The following LCMT1 variants were observed in gnomAD, a reference collection of about 807,000 sequenced individuals.
LCMT1 encodes [Phosphatase 2A protein]-leucine-carboxy methyltransferase 1.
LCMT1 carries 32 observed loss-of-function variants against 47.7 expected under a neutral mutation model. The observed-to-expected ratio is 0.67, with a 90% CI of 0.51 to 0.90. The LOEUF is 0.90. Ranked by LOEUF, LCMT1 falls within the 40% of genes least tolerant of loss-of-function variation. The pLI is 0.00. For missense variants in LCMT1, 375 were observed against 415.2 expected (o/e 0.90, Z 0.84); for synonymous variants, 152 against 149.7 (o/e 1.02, Z -0.11).
chr16:25,122,401 G>A (rs1004220557), intron 1 of LCMT1, among the ~76,000 whole-genome samples: 5 of 152,104 alleles, frequency 3.3e-5, no homozygotes, highest in African/African-American at 1.2e-4. Flanking sequence ...GACCTCCCTG[G>A]TGGCTCAAGC....
At chr16:25,132,358 A>G (rs1960372668) in intron 2 of LCMT1, 44 bp from the exon 3 acceptor site, 2 of 1,608,814 alleles carry the variant, frequency 1.2e-6, no homozygotes, top group African/African-American at 2.7e-5. Flanking sequence ...AATTTCTGTC[A>G]TCACTGGGTG....
At chr16:25,125,852 A>AATAATAATG in intron 1 of LCMT1, 1 of 193,952 alleles carries the variant, frequency 5.2e-6, no homozygotes, top group Non-Finnish European at 9.3e-6. Context: ...TAATAATAAT[A>AATAATAATG]ATAATAATAA....
Position 25,120,452 on chromosome 16 carries a change from T to C in LCMT1, c.114-8023T>C, listed in dbSNP as rs535437928. Among the ~76,000 whole-genome samples the C allele has an allele frequency of 2.7e-5, 4 of 150,050 alleles. No homozygotes were observed. In the East Asian group the frequency reaches 7.9e-4, roughly 30 times the overall value. On this transcript the variant is annotated intron_variant, in intron 1 of 10. Transcript: ENST00000399069. ...TTTTCTTTTTTTTTTTGAGACAGAG[T>C]CTCGCTCTGTCACCCAGGCTGGAGT...
chr16:25,170,314 T>G (rs1053949796), intron 8 of LCMT1, among the ~76,000 whole-genome samples: 2 of 152,218 alleles, frequency 1.3e-5, no homozygotes, highest in African/African-American at 4.8e-5. Context: ...CATAGAAAAG[T>G]TCTTCCTTTA....
chr16:25,132,303 A>T, intron 2 of LCMT1, 99 bp from the exon 3 acceptor site: 1 of 1,408,568 alleles, frequency 7.1e-7, no homozygotes, highest in South Asian at 1.3e-5. Context: ...AGAAGGGCGC[A>T]TGCTCTCTGT....
intron 4 of LCMT1, chr16:25,147,789 T>C (rs1960913469): frequency 6.6e-6 from 1 of 152,126 alleles, no homozygotes; most frequent in Non-Finnish European, 1.5e-5. Context: ...CCTCCTGGAC[T>C]TAAGCGATCC....
intron 1 of LCMT1, among the ~76,000 whole-genome samples, chr16:25,120,666 T>C (rs1959947365): frequency 6.6e-6 from 1 of 151,734 alleles, no homozygotes; most frequent in Non-Finnish European, 1.5e-5. Context: ...TGACCTCATG[T>C]GATCTGCTTG....
chr16:25,167,084 A>G (rs1858300872), intron 7 of LCMT1, among the ~76,000 whole-genome samples: 1 of 152,164 alleles, frequency 6.6e-6, no homozygotes, highest in African/African-American at 2.4e-5. Flanking sequence ...GATTCAGTGA[A>G]TTCTGACCAG....
intron 10 of LCMT1, among the ~76,000 whole-genome samples, chr16:25,177,569 AT>A (rs1288190733): frequency 1.3e-5 from 2 of 152,208 alleles, no homozygotes; most frequent in Non-Finnish European, 2.9e-5. Context: ...AATGTAGGTT[AT>A]TTGTAATACT....
chr16:25,138,499 A>C (rs1960570745), intron 3 of LCMT1, among the ~76,000 whole-genome samples: 1 of 151,700 alleles, frequency 6.6e-6, no homozygotes, highest in Admixed American at 6.6e-5. Context: ...CAGGTGACCC[A>C]GGGCTGTGTG....
chr16:25,169,050 G>GTT, intron 7 of LCMT1, 62 bp from the exon 8 acceptor site: 1 of 1,177,336 alleles, frequency 8.5e-7, no homozygotes, highest in Non-Finnish European at 1.3e-6. Flanking sequence ...GATGAATGAT[G>GTT]TTTTATTTTG....
chr16:25,147,646 G>A (rs1242073730), intron 4 of LCMT1: 1 of 151,810 alleles, frequency 6.6e-6, no homozygotes, highest in East Asian at 1.9e-4. Context: ...TGTGTACTAG[G>A]GCAGGTTGTA....
intron 1 of LCMT1, among the ~76,000 whole-genome samples, chr16:25,124,277 CT>C (rs1960089776): frequency 6.6e-6 from 1 of 152,174 alleles, no homozygotes; most frequent in South Asian, 2.1e-4. Flanking sequence ...CAACACATGA[CT>C]TACGTGTACA....
chr16:25,120,233 G>GT (rs527808924), intron 1 of LCMT1, among the ~76,000 whole-genome samples: 114 of 149,504 alleles, frequency 7.6e-4, no homozygotes, highest in African/African-American at 2.7e-3. Flanking sequence ...TTTTTGTTTT[G>GT]TTTTTTTGAG....
intron 6 of LCMT1, among the ~76,000 whole-genome samples, chr16:25,162,015 A>G (rs1179256015): frequency 1.3e-5 from 2 of 152,166 alleles, no homozygotes; most frequent in African/African-American, 4.8e-5. Flanking sequence ...AGGGAATGAT[A>G]ATGCCACTGC....
chr16:25,155,833 G>A (rs1335814189), intron 5 of LCMT1, among the ~76,000 whole-genome samples: 2 of 152,092 alleles, frequency 1.3e-5, no homozygotes, highest in African/African-American at 4.8e-5. Context: ...GCTGTGTGCT[G>A]CCACACACAG....
At chr16:25,112,180 G>A (rs948896385) in intron 1 of LCMT1, among the ~76,000 whole-genome samples, 184 bp downstream of exon 1, 6 of 152,214 alleles carry the variant, frequency 3.9e-5, no homozygotes, top group Admixed American at 6.5e-5. Context: ...TCGTTTCTGA[G>A]CTTTTGCTGT....
chr16:25,171,293 A>G (rs1961760051), intron 9 of LCMT1, among the ~76,000 whole-genome samples: 1 of 152,114 alleles, frequency 6.6e-6, no homozygotes, highest in African/African-American at 2.4e-5. Context: ...ACACATCTGT[A>G]ATCCCAGCTA....
chr16:25,170,554 C>T (rs532711171), intron 8 of LCMT1, among the ~76,000 whole-genome samples, 160 bp from the exon 9 acceptor site: 4 of 151,808 alleles, frequency 2.6e-5, no homozygotes, highest in South Asian at 2.1e-4. Flanking sequence ...CGCTTGAGCC[C>T]GGTGGGTCAA....
Sources: allele counts gnomAD v4.1 joint callset (sites outside exome capture counted in the v4.1 genomes callset), GRCh38; gene constraint gnomAD v4.1.1; transcripts MANE v1.5; gene names NCBI Gene and HGNC (gene_info 2026-07-23, HGNC 2026-07-21).